ADAMTSL1: variants seen among roughly 807,000 people sequenced by gnomAD.
ADAMTSL1 encodes the protein ADAMTS-like protein 1.
Under a neutral mutation model 201.8 loss-of-function variants are expected in ADAMTSL1, and 126 were observed. That is an observed-to-expected ratio of 0.62 (90% CI 0.54 to 0.72). ADAMTSL1 has a LOEUF of 0.72. Ranked by LOEUF, ADAMTSL1 falls within the 30% of genes least tolerant of loss-of-function variation. The pLI, the probability that ADAMTSL1 is intolerant of heterozygous loss-of-function variation, is 0.00. For synonymous variants in ADAMTSL1, 1,121 were observed against 903.4 expected (o/e 1.24, Z -4.32); for missense variants, 2,679 against 2,277.8 (o/e 1.18, Z -3.59).
intron 2 of ADAMTSL1, among the ~76,000 whole-genome samples, chr9:18,517,590 C>G (rs1818436288): frequency 1.4e-5 from 2 of 147,512 alleles, no homozygotes; most frequent in Admixed American, 6.8e-5. Flanking sequence ...CACCACAGTC[C>G]CCAGCGTGTG....
At chr9:18,469,388 T>C (rs75158314), upstream of ADAMTSL1, among the ~76,000 whole-genome samples, 1 of 152,320 alleles carries the variant, frequency 6.6e-6, no homozygotes, top group African/African-American at 2.4e-5. Context: ...GGTATATCAG[T>C]TGGGATTCTG....
intron 7 of ADAMTSL1, among the ~76,000 whole-genome samples, chr9:18,642,196 C>T (rs776752): frequency 0.63 from 94,877 of 151,638 alleles, 29,994 homozygotes; most frequent in East Asian, 0.79. Context: ...CAACAGCTAT[C>T]TGAAGATTTT....
chr9:18,366,774 T>C (rs1233897313), intron 2 of ADAMTSL1, among the ~76,000 whole-genome samples: 1 of 151,092 alleles, frequency 6.6e-6, no homozygotes, highest in African/African-American at 2.4e-5. Context: ...CCTGCCACCA[T>C]TCCCGGCTAA....
rs180961206 is a variant in ADAMTSL1 at position 18,055,111 on chromosome 9, G to A, written c.88-108751G>A. Among the ~76,000 whole-genome samples, 11 of 152,294 alleles carry A rather than the reference G, an allele frequency of 7.2e-5. 1 individual carries two copies. The highest frequency in any genetic ancestry group is 7.2e-4 in the Admixed American group (11 of 15,306). ...CTGGGGCATGCACATGGTCTCTGCT[G>A]AGTGATTTTCCTAAAAAGCATAATG... is the stretch of plus-strand genomic sequence containing the variant. On this transcript the variant is annotated intron_variant, in intron 1 of 29. Transcript: ENST00000680146.
At chr9:18,646,995 T>A (rs1332666500) in intron 7 of ADAMTSL1, among the ~76,000 whole-genome samples, 1 of 152,130 alleles carries the variant, frequency 6.6e-6, no homozygotes, top group African/African-American at 2.4e-5. Context: ...TCTGGTAAAA[T>A]TTGGCTGTGA....
chr9:17,973,709 C>G (rs10963374), intron 1 of ADAMTSL1, among the ~76,000 whole-genome samples: 1 of 118,990 alleles, frequency 8.4e-6, no homozygotes, highest in Non-Finnish European at 1.8e-5. Context: ...AAGAAAGTCA[C>G]TGGTAGCTTG....
intron 13 of ADAMTSL1, among the ~76,000 whole-genome samples, chr9:18,685,273 G>A (rs1161660528): frequency 6.6e-6 from 1 of 152,158 alleles, no homozygotes; most frequent in African/African-American, 2.4e-5. Context: ...TATCAGGGAT[G>A]GACCTGCTTA....
intron 2 of ADAMTSL1, among the ~76,000 whole-genome samples, chr9:18,197,771 A>G (rs941307893): frequency 8.6e-5 from 13 of 151,802 alleles, no homozygotes; most frequent in African/African-American, 2.9e-4. Context: ...TTTCAAAGGG[A>G]AATACCAAAA....
intron 23 of ADAMTSL1, among the ~76,000 whole-genome samples, chr9:18,846,485 G>T (rs191681090): frequency 1.1e-4 from 16 of 152,314 alleles, no homozygotes; most frequent in Admixed American, 9.8e-4. Flanking sequence ...GTAAGGGGGA[G>T]TGGCCTTAGA....
intron 2 of ADAMTSL1, among the ~76,000 whole-genome samples, chr9:18,366,573 T>G (rs1836776308): frequency 6.6e-6 from 1 of 151,932 alleles, no homozygotes; most frequent in African/African-American, 2.4e-5. Context: ...AATATTATTT[T>G]CTTTTCCAAC....
intron 1 of ADAMTSL1, among the ~76,000 whole-genome samples, chr9:18,084,059 C>G (rs1285085044): frequency 6.6e-6 from 1 of 152,174 alleles, no homozygotes; most frequent in Non-Finnish European, 1.5e-5. Flanking sequence ...GATGACTTCC[C>G]TCCTCCATTT....
intron 8 of ADAMTSL1, among the ~76,000 whole-genome samples, chr9:18,658,165 G>C (rs1482030989): frequency 6.6e-6 from 1 of 152,042 alleles, no homozygotes; most frequent in Non-Finnish European, 1.5e-5. Context: ...TAGTACGGAC[G>C]GGGTTTCCCC....
chr9:18,853,492 G>C (rs1826633472), intron 23 of ADAMTSL1, among the ~76,000 whole-genome samples: 1 of 152,172 alleles, frequency 6.6e-6, no homozygotes, highest in Non-Finnish European at 1.5e-5. Flanking sequence ...CAGTTAACAG[G>C]TCCAAGAGGA....
At chr9:18,087,010 T>G (rs755823680) in intron 1 of ADAMTSL1, among the ~76,000 whole-genome samples, 66 of 152,206 alleles carry the variant, frequency 4.3e-4, no homozygotes, top group Non-Finnish European at 8.5e-4. Flanking sequence ...TCTGTTTTTG[T>G]AAAGTCATCT....
chr9:17,984,580 T>G (rs765890524), intron 1 of ADAMTSL1, among the ~76,000 whole-genome samples: 14 of 152,168 alleles, frequency 9.2e-5, no homozygotes, highest in Admixed American at 1.3e-4. Context: ...ACATACTTAA[T>G]TTTTTACATT....
chr9:17,927,777 TGA>T (rs974113753), intron 1 of ADAMTSL1, among the ~76,000 whole-genome samples: 41 of 152,122 alleles, frequency 2.7e-4, no homozygotes, highest in Middle Eastern at 6.8e-3. Flanking sequence ...ATAAGGGACT[TGA>T]GCATCTGTGG....
chr9:18,399,940 T>TAAC (rs911570004), intron 2 of ADAMTSL1, among the ~76,000 whole-genome samples: 38 of 152,036 alleles, frequency 2.5e-4, no homozygotes, highest in East Asian at 9.7e-4. Context: ...AAAACCACAA[T>TAAC]AACAACAACA....
chr9:18,613,734 G>T (rs1445360852), intron 4 of ADAMTSL1, among the ~76,000 whole-genome samples: 1 of 152,130 alleles, frequency 6.6e-6, no homozygotes, highest in Non-Finnish European at 1.5e-5. Context: ...CTACTTAAGG[G>T]TGAAGGGTGA....
At chr9:17,933,499 C>T (rs1411041628) in intron 1 of ADAMTSL1, among the ~76,000 whole-genome samples, 1 of 152,158 alleles carries the variant, frequency 6.6e-6, no homozygotes, top group Non-Finnish European at 1.5e-5. Flanking sequence ...TGTGGTCAGT[C>T]ATTGGATCTT....
Sources: gnomAD v4.1 joint callset for allele counts (sites outside exome capture counted in the v4.1 genomes callset) on GRCh38, gnomAD v4.1.1 for gene constraint, MANE v1.5 for transcripts, NCBI Gene and HGNC (gene_info 2026-07-23, HGNC 2026-07-21) for gene names.